LINGO2: variants seen among roughly 807,000 people sequenced by gnomAD.
LINGO2 encodes the protein leucine-rich repeat and immunoglobulin-like domain-containing nogo receptor-interacting protein 2.
A neutral mutation model predicts 30.6 loss-of-function variants in LINGO2; 14 were observed. The ratio of observed to expected loss-of-function variants is 0.46; its 90% CI spans 0.30 to 0.72. The LOEUF (loss-of-function observed/expected upper bound fraction) is 0.72. LINGO2 is among the 30% of genes least tolerant of loss of function. LINGO2 has a pLI of 0.07. For synonymous variants in LINGO2, 317 were observed against 288.5 expected (o/e 1.10, Z -1.00); for missense variants, 729 against 751.7 (o/e 0.97, Z 0.35).
At chr9:29,006,245 G>A in the LINGO2 span, among the ~76,000 whole-genome samples, 9 of 151,674 alleles carry the variant, frequency 5.9e-5, no homozygotes, top group Admixed American at 1.3e-4. Context: ...TCAAACAAAC[G>A]GGGAATTATT....
At chr9:28,033,631 GATTACTTTTATAATGGCAAAAAAAAA>G (rs1823789344) in intron 4 of LINGO2, among the ~76,000 whole-genome samples, 1 of 151,896 alleles carries the variant, frequency 6.6e-6, no homozygotes, top group African/African-American at 2.4e-5. Context: ...TTTGAGGATG[GATTACTTTTATAATGGCAAAAAAAAA>G]ATTACTTCAA....
At chr9:28,222,227 T>C (rs1820989929) in intron 4 of LINGO2, among the ~76,000 whole-genome samples, 1 of 152,172 alleles carries the variant, frequency 6.6e-6, no homozygotes, top group African/African-American at 2.4e-5. Flanking sequence ...GATAAAAATG[T>C]GGCAAATGTG....
the LINGO2 span, among the ~76,000 whole-genome samples, chr9:28,746,577 A>G: frequency 6.6e-6 from 1 of 152,056 alleles, no homozygotes; most frequent in Non-Finnish European, 1.5e-5. Flanking sequence ...TGTTATTTAT[A>G]TGACTCAAGG....
intron 1 of LINGO2, among the ~76,000 whole-genome samples, chr9:28,640,952 T>A (rs1827546045): frequency 6.6e-6 from 1 of 152,184 alleles, no homozygotes; most frequent in African/African-American, 2.4e-5. Context: ...CCCATCTTCA[T>A]GGTTTTATCT....
At chr9:28,015,095 T>C (rs1312492542) in intron 4 of LINGO2, among the ~76,000 whole-genome samples, 2 of 152,136 alleles carry the variant, frequency 1.3e-5, no homozygotes, top group Non-Finnish European at 2.9e-5. Context: ...AACTGGAAAT[T>C]CTTTGATCCA....
At chr9:28,204,443 T>A (rs923635575) in intron 4 of LINGO2, among the ~76,000 whole-genome samples, 3 of 152,186 alleles carry the variant, frequency 2.0e-5, no homozygotes, top group Non-Finnish European at 4.4e-5. Context: ...CAGTATATTT[T>A]TCTATTTTGT....
At chr9:28,879,907 A>T in the LINGO2 span, among the ~76,000 whole-genome samples, 1 of 152,168 alleles carries the variant, frequency 6.6e-6, no homozygotes, top group Non-Finnish European at 1.5e-5. Flanking sequence ...TATGTGTATA[A>T]CTCTGATAAA....
At chr9:28,478,908 C>A (rs1825827042) in intron 1 of LINGO2, among the ~76,000 whole-genome samples, 1 of 151,982 alleles carries the variant, frequency 6.6e-6, no homozygotes, top group African/African-American at 2.4e-5. Flanking sequence ...TTTGAGCTAA[C>A]TTCTGCACTT....
chr9:28,566,416 T>A (rs916057436), intron 1 of LINGO2, among the ~76,000 whole-genome samples: 2 of 152,162 alleles, frequency 1.3e-5, no homozygotes, highest in African/African-American at 2.4e-5. Flanking sequence ...GGAATATAAC[T>A]ACTATGCCAC....
the LINGO2 span, among the ~76,000 whole-genome samples, chr9:28,759,569 C>G: frequency 1.3e-5 from 2 of 151,882 alleles, no homozygotes; most frequent in Admixed American, 1.3e-4. Flanking sequence ...GCAGTCCCAG[C>G]TACTCGGGAG....
At chr9:28,207,357 A>G (rs973513255) in intron 4 of LINGO2, among the ~76,000 whole-genome samples, 1 of 152,126 alleles carries the variant, frequency 6.6e-6, no homozygotes, top group Non-Finnish European at 1.5e-5. Context: ...TACCAATCTC[A>G]CAATCTTCTG....
the LINGO2 span, among the ~76,000 whole-genome samples, chr9:28,722,776 A>T: frequency 6.6e-6 from 1 of 152,148 alleles, no homozygotes; most frequent in Non-Finnish European, 1.5e-5. Context: ...GCCAAAAAAT[A>T]ATCCCAGTAG....
the LINGO2 span, among the ~76,000 whole-genome samples, chr9:29,164,544 A>G: frequency 6.9e-6 from 1 of 144,436 alleles, no homozygotes; most frequent in African/African-American, 2.5e-5. Flanking sequence ...TTAGTTGTAA[A>G]GTAGAAGTCA....
chr9:29,109,940 G>A, the LINGO2 span, among the ~76,000 whole-genome samples: 51 of 152,278 alleles, frequency 3.3e-4, no homozygotes, highest in African/African-American at 1.1e-3. Flanking sequence ...ATTCATAGGT[G>A]TAAAACGAAG....
chr9:28,939,179 A>ACTT, the LINGO2 span, among the ~76,000 whole-genome samples: 1 of 65,902 alleles, frequency 1.5e-5, no homozygotes, highest in East Asian at 4.1e-4. Flanking sequence ...AAGGCTACTT[A>ACTT]AGCTACTTAA....
chr9:28,503,627 C>T (rs556421884), intron 1 of LINGO2, among the ~76,000 whole-genome samples: 45 of 151,880 alleles, frequency 3.0e-4, no homozygotes, highest in African/African-American at 1.0e-3. Context: ...AACTTAAATG[C>T]CATATACATG....
chr9:28,773,458 T>G, the LINGO2 span, among the ~76,000 whole-genome samples: 19 of 151,874 alleles, frequency 1.3e-4, no homozygotes, highest in Non-Finnish European at 2.5e-4. Context: ...ACTATTTATA[T>G]AAGGAAAAAA....
At chr9:28,813,997 C>T in the LINGO2 span, among the ~76,000 whole-genome samples, 2 of 151,982 alleles carry the variant, frequency 1.3e-5, no homozygotes, top group Non-Finnish European at 2.9e-5. Flanking sequence ...GATTTAGAGG[C>T]CAGGAAGCAT....
At chr9:28,645,424 C>G (rs1827793927) in intron 1 of LINGO2, among the ~76,000 whole-genome samples, 1 of 152,062 alleles carries the variant, frequency 6.6e-6, no homozygotes, top group South Asian at 2.1e-4. Context: ...AGCTTTAAAA[C>G]AAAACAAAGT....
Sources: gnomAD v4.1 joint callset for allele counts (sites outside exome capture counted in the v4.1 genomes callset) on GRCh38, gnomAD v4.1.1 for gene constraint, MANE v1.5 for transcripts, NCBI Gene and HGNC (gene_info 2026-07-23, HGNC 2026-07-21) for gene names.